SLC39A10: variants seen among roughly 807,000 people sequenced by gnomAD.
The protein encoded by SLC39A10 is solute carrier family 39 member 10, also known as zinc transporter ZIP10.
A neutral mutation model predicts 65.1 loss-of-function variants in SLC39A10; 13 were observed. That is an observed-to-expected ratio of 0.20 (90% confidence interval 0.13 to 0.32). SLC39A10 has a LOEUF of 0.32. Ranked by LOEUF, SLC39A10 falls within the 10% of genes least tolerant of loss-of-function variation. SLC39A10 has a pLI of 1.00. For missense variants in SLC39A10, 831 were observed against 1,018.4 expected (o/e 0.82, Z 2.50); for synonymous variants, 321 against 342.2 (o/e 0.94, Z 0.68).
At chr2:195,712,015 C>T (rs962033348) in intron 5 of SLC39A10, among the ~76,000 whole-genome samples, 11 of 152,088 alleles carry the variant, frequency 7.2e-5, no homozygotes, top group African/African-American at 2.7e-4. Flanking sequence ...ATTCTCTGTG[C>T]CAGGATTCAA....
At chr2:195,649,519 G>A (rs1688989782) in intron 2 of SLC39A10, among the ~76,000 whole-genome samples, 1 of 147,648 alleles carries the variant, frequency 6.8e-6, no homozygotes, top group Admixed American at 6.7e-5. Context: ...GGCAAAATTT[G>A]AAATTTGATC....
At chr2:195,734,452 G>T (rs540269056) in intron 9 of SLC39A10, among the ~76,000 whole-genome samples, 1 of 152,162 alleles carries the variant, frequency 6.6e-6, no homozygotes, top group Non-Finnish European at 1.5e-5. Context: ...GTGAGCCACC[G>T]TGCCCGGCCC....
chr2:195,622,362 G>C (rs1241352080), intron 2 of SLC39A10, among the ~76,000 whole-genome samples: 1 of 151,914 alleles, frequency 6.6e-6, no homozygotes, highest in Admixed American at 6.6e-5. Context: ...GTGAGACCCT[G>C]TCTCTAAAAA....
chr2:195,667,503 G>A (rs1057074651), intron 1 of SLC39A10, among the ~76,000 whole-genome samples: 2 of 152,190 alleles, frequency 1.3e-5, no homozygotes, highest in Non-Finnish European at 2.9e-5. Flanking sequence ...AACGATGCAT[G>A]TGCTCTTGTA....
chr2:195,700,376 T>A (rs1243507989), intron 3 of SLC39A10, among the ~76,000 whole-genome samples: 1 of 152,222 alleles, frequency 6.6e-6, no homozygotes, highest in African/African-American at 2.4e-5. Context: ...TTTCATTTCC[T>A]TTTGTGTATA....
rs67959883 is a variant in SLC39A10, at chr2:195,623,901, C to CCACACACA, written c.-12+17700_-12+17707dup. On this transcript the variant is annotated intron_variant, in intron 2 of 2. Coordinates refer to the SLC39A10 transcript ENST00000458054. ...ACAATACAACCAACTAAACAAAAAACCACACACACACACACACACACACAC... is the reference window on the plus strand; with the variant it reads ...ACAATACAACCAACTAAACAAAAAACCACACACACACACACACACACACACACACACAC... Among the ~76,000 whole-genome samples the CCACACACA allele has an allele frequency of 1.5e-3, 221 of 142,952 alleles. 1 individual carries two copies. The highest frequency in any genetic ancestry group is 4.4e-3 in the African/African-American group (167 of 38,104). 93.8% of individuals were successfully genotyped at this position (142,952 alleles called of 152,430 possible). A position where few individuals can be genotyped will look rare whatever the true frequency, so the allele number is the denominator to read the frequency against.
At chr2:195,729,241 C>T (rs1692350437) in intron 9 of SLC39A10, among the ~76,000 whole-genome samples, 1 of 152,184 alleles carries the variant, frequency 6.6e-6, no homozygotes, top group Non-Finnish European at 1.5e-5. Context: ...CTCAGCCTCT[C>T]AAAGTGCTGG....
At chr2:195,616,760 C>T (rs933145102) in intron 2 of SLC39A10, among the ~76,000 whole-genome samples, 5 of 151,948 alleles carry the variant, frequency 3.3e-5, no homozygotes, top group Non-Finnish European at 5.9e-5. Context: ...CCCGCCACCA[C>T]GCCTGGCTAA....
Position 195,736,808 on chromosome 2 carries a change from C to G in SLC39A10, c.*1767C>G, listed in dbSNP as rs929633941. 2 of 152,608 alleles carry G rather than the reference C, an allele frequency of 1.3e-5. No homozygotes were observed. Among genetic ancestry groups the G allele is most frequent in the African/African-American group, 4.8e-5 (2 of 41,442 alleles). 9.5% of individuals were successfully genotyped at this position (152,608 alleles called of 1,614,324 possible). On this transcript the variant is annotated 3_prime_UTR_variant, in exon 10 of 10. Transcript: ENST00000359634. Reference sequence around the variant, plus strand: ...AATTAGGACAGTCCTCATCTCATTGCTTGGCCCTTCAAGCAACCTAGCTAA... The same window carrying G: ...AATTAGGACAGTCCTCATCTCATTGGTTGGCCCTTCAAGCAACCTAGCTAA...
At chr2:195,710,623 A>G (rs1691572371) in intron 5 of SLC39A10, among the ~76,000 whole-genome samples, 1 of 152,216 alleles carries the variant, frequency 6.6e-6, no homozygotes, top group East Asian at 1.9e-4. Flanking sequence ...ATCATGAGAA[A>G]GAAATCTTAC....
intron 8 of SLC39A10, among the ~76,000 whole-genome samples, chr2:195,719,399 C>A (rs1392002653): frequency 6.6e-6 from 1 of 152,164 alleles, no homozygotes; most frequent in Non-Finnish European, 1.5e-5. Context: ...ATATGTAGCA[C>A]CTGTTATTGG....
chr2:195,645,606 C>CCT (rs1229280658), intron 2 of SLC39A10, among the ~76,000 whole-genome samples: 1 of 152,082 alleles, frequency 6.6e-6, no homozygotes, highest in Non-Finnish European at 1.5e-5. Flanking sequence ...TCTACCCAAC[C>CCT]CTCTGGTAAC....
chr2:195,632,903 G>T (rs1444522730), intron 2 of SLC39A10, among the ~76,000 whole-genome samples: 1 of 152,206 alleles, frequency 6.6e-6, no homozygotes, highest in East Asian at 1.9e-4. Context: ...TGGAGGAGCT[G>T]AAAGTTGATT....
At position 195,708,897 on chromosome 2, in the gene SLC39A10, T is replaced by C. The variant is rs550889721; in HGVS notation, c.1575+53T>C. On this transcript the variant is annotated intron_variant, in intron 5 of 9. Coordinates refer to ENST00000359634, the MANE Select transcript of SLC39A10 (RefSeq NM_020342.3). ...ATACCATAAAACTCAAAACAAAAATTATCCTTTTCTGGGTATATGCTTTCC... is the reference window on the plus strand; with the variant it reads ...ATACCATAAAACTCAAAACAAAAATCATCCTTTTCTGGGTATATGCTTTCC... 3.8e-5 allele frequency: 51 copies of C among 1,331,886 alleles called. No individual in the cohort carries two copies. The African/African-American group carries it at 7.3e-4, about 19-fold the overall frequency. 82.5% of individuals were successfully genotyped at this position (1,331,886 alleles called of 1,614,324 possible). A position where few individuals can be genotyped will look rare whatever the true frequency, so the allele number is the denominator to read the frequency against.
chr2:195,634,646 A>G (rs1355234628), intron 2 of SLC39A10, among the ~76,000 whole-genome samples: 1 of 152,232 alleles, frequency 6.6e-6, no homozygotes, highest in African/African-American at 2.4e-5. Context: ...TTCAACTGTA[A>G]GGAACAAAAA....
intron 8 of SLC39A10, among the ~76,000 whole-genome samples, chr2:195,723,137 C>A (rs963604004): frequency 6.6e-5 from 10 of 152,148 alleles, no homozygotes; most frequent in Non-Finnish European, 1.5e-4. Context: ...GGGAATTTGA[C>A]TGTAAGAGAC....
In SLC39A10 at chr2:195,680,512, A is replaced by C; in HGVS notation, c.470A>C (p.Lys157Thr). The C allele has an allele frequency of 6.2e-7, 1 of 1,614,218 alleles. No individual in the cohort carries two copies. The change falls in exon 2 of 10, where the codon AAA (lysine) becomes ACA (threonine). Residue 157 changes from lysine to threonine, a missense_variant. Around this residue, in one of 4 missense-constraint regions of SLC39A10, gnomAD observed 446 missense variants for 499.2 expected, o/e 0.89. Coordinates refer to ENST00000359634, the MANE Select transcript of SLC39A10 (RefSeq NM_020342.3). ...AGAAACCATAAATGTGATCCAGAGA[A>C]AGAGACAGTTGAAGTGTCTGTAAAA... is the stretch of plus-strand genomic sequence containing the variant. ...TKRNHKCDPE[K>T]ETVEVSVKSD...
intron 1 of SLC39A10, among the ~76,000 whole-genome samples, chr2:195,677,925 CT>C (rs1181221101): frequency 6.6e-6 from 1 of 151,822 alleles, no homozygotes; most frequent in Non-Finnish European, 1.5e-5. Context: ...AATTTTTGTA[CT>C]TTTAGTAAAA....
At chr2:195,629,899 T>A (rs1688548974) in intron 2 of SLC39A10, among the ~76,000 whole-genome samples, 1 of 152,034 alleles carries the variant, frequency 6.6e-6, no homozygotes, top group Non-Finnish European at 1.5e-5. Context: ...GGCTATTTTT[T>A]ATTTTTTTAT....
Sources: allele counts gnomAD v4.1 joint callset (sites outside exome capture counted in the v4.1 genomes callset), GRCh38; gene constraint gnomAD v4.1.1; regional missense constraint gnomAD v4.1.1; transcripts MANE v1.5; gene names NCBI Gene and HGNC (gene_info 2026-07-23, HGNC 2026-07-21).